GPR55: variants seen among roughly 807,000 people sequenced by gnomAD.
GPR55 encodes G-protein coupled receptor 55.
In GPR55, 6 loss-of-function variants were observed where a neutral mutation model predicts 7.9. The observed-to-expected ratio is 0.76, with a 90% CI of 0.41 to 1.49. GPR55 has a LOEUF of 1.49. Ranked by LOEUF, GPR55 falls within the 40% of genes most tolerant of loss-of-function variation. GPR55 has a pLI of 0.01. For missense variants in GPR55, 376 were observed against 406.0 expected (o/e 0.93, Z 0.63); for synonymous variants, 183 against 166.8 (o/e 1.10, Z -0.75).
At chr2:230,952,730 A>C (rs368270938) in intron 1 of GPR55, among the ~76,000 whole-genome samples, 1 of 152,084 alleles carries the variant, frequency 6.6e-6, no homozygotes, top group Non-Finnish European at 1.5e-5. Context: ...GCCCACGGCC[A>C]CCCTGTCCCC....
intron 1 of GPR55, among the ~76,000 whole-genome samples, chr2:230,954,515 T>G (rs1691451933): frequency 6.6e-6 from 1 of 152,224 alleles, no homozygotes; most frequent in South Asian, 2.1e-4. Flanking sequence ...TATATATTTA[T>G]GGGGTACATG....
rs186321947 is a variant in GPR55 at position 230,957,967 on chromosome 2, A to C, written c.-135+2808T>G. On this transcript the variant is annotated intron_variant, in intron 1 of 1. Transcript: ENST00000392039. ...CAGCAGCAATTGAACAATCTTGAGC[A>C]TAGAAATCAGACTCCCTGAAGTCAG... is the stretch of plus-strand genomic sequence containing the variant. 1.9e-4 allele frequency: 87 copies of C among 446,742 alleles called. No homozygotes were observed. In the East Asian group the frequency reaches 4.6e-3, roughly 24 times the overall value. The allele number at this position is 446,742 out of a possible 1,614,324, so 27.7% of individuals were successfully genotyped here.
chr2:230,941,411 G>A (rs1337155385), intron 1 of GPR55, among the ~76,000 whole-genome samples: 2 of 152,202 alleles, frequency 1.3e-5, no homozygotes, highest in Non-Finnish European at 2.9e-5. Flanking sequence ...ATCCTGGGGG[G>A]CCTGCCCCCG....
Position 230,909,943 on chromosome 2 carries a change from G to T in GPR55, c.*60C>A, listed in dbSNP as rs1338502875. Reference sequence around the variant, plus strand: ...CCACCACATCAAAACCCTGGAACGCGATATCCGTTACCAGAATTCAGGGCC... The same window carrying T: ...CCACCACATCAAAACCCTGGAACGCTATATCCGTTACCAGAATTCAGGGCC... On this transcript the variant is annotated 3_prime_UTR_variant, in exon 2 of 2. Transcript: ENST00000650999. The T allele has an allele frequency of 4.6e-6, 7 of 1,515,442 alleles. No homozygotes were observed. Among genetic ancestry groups the T allele is most frequent in the Non-Finnish European group, 6.3e-6 (7 of 1,113,278 alleles). 93.9% of individuals were successfully genotyped at this position (1,515,442 alleles called of 1,614,324 possible).
chr2:230,911,897 G>C (rs1420805382), intron 1 of GPR55, among the ~76,000 whole-genome samples: 1 of 152,262 alleles, frequency 6.6e-6, no homozygotes, highest in East Asian at 1.9e-4. Context: ...TGGTCAATTT[G>C]GGGTGAGGGG....
At chr2:230,958,099 A>C (rs1241432703) in intron 1 of GPR55, 1 of 264,658 alleles carries the variant, frequency 3.8e-6, no homozygotes, top group Non-Finnish European at 7.6e-6. Flanking sequence ...AAGGAAGAAA[A>C]TTTTTGAATT....
At chr2:230,957,308 A>T (rs1432794786) in intron 1 of GPR55, among the ~76,000 whole-genome samples, 1 of 152,238 alleles carries the variant, frequency 6.6e-6, no homozygotes, top group Non-Finnish European at 1.5e-5. Context: ...CTTTGGGGAC[A>T]TTATTTAGTA....
chr2:230,929,138 C>A (rs531886949), upstream of GPR55, among the ~76,000 whole-genome samples: 53 of 152,266 alleles, frequency 3.5e-4, no homozygotes, highest in African/African-American at 1.2e-3. Flanking sequence ...CTGGTGTGAA[C>A]CACTGCATCC....
chr2:230,947,884 G>C (rs1691344264), intron 1 of GPR55, among the ~76,000 whole-genome samples: 1 of 152,088 alleles, frequency 6.6e-6, no homozygotes, highest in Non-Finnish European at 1.5e-5. Context: ...CCTGCACCCA[G>C]CTACAGCGAG....
Position 230,910,509 on chromosome 2 carries a change from C to T in GPR55, c.454G>A (p.Gly152Arg), listed in dbSNP as rs778364743. 1.1e-5 allele frequency: 17 copies of T among 1,613,952 alleles called. No homozygotes were observed. Among genetic ancestry groups the T allele is most frequent in the South Asian group, 4.4e-5 (4 of 91,072 alleles). Residue 152 changes from glycine to arginine, a missense_variant, in exon 2 of 2, where the codon GGA (glycine) becomes AGA (arginine). Gly to Arg is a moderately radical substitution (Grantham distance 125, BLOSUM62 -2). Transcript: ENST00000650999. The surrounding 1 kb of genome is among the most constrained non-coding windows in gnomAD (Gnocchi z 5.4). ...CCTIWVLVWTGSIPIYSFHGK... is the reference protein window; with the variant it reads ...CCTIWVLVWTRSIPIYSFHGK... Reference sequence around the variant, plus strand: ...TGGAAACTGTAGATAGGGATGCTTCCGGTCCACACCAGGACCCAGATGGTG... The same window carrying T: ...TGGAAACTGTAGATAGGGATGCTTCTGGTCCACACCAGGACCCAGATGGTG...
upstream of GPR55, among the ~76,000 whole-genome samples, chr2:230,928,106 A>C (rs1018653813): frequency 6.6e-6 from 1 of 152,104 alleles, no homozygotes; most frequent in Non-Finnish European, 1.5e-5. Flanking sequence ...CCTCTGCACC[A>C]GGGTAAGGGG....
rs370767476 is a variant in GPR55 at position 230,910,690 on chromosome 2, C to T, written c.273G>A (p.Pro91=). The T allele has an allele frequency of 4.1e-5, 66 of 1,613,348 alleles. No homozygotes were observed. The highest frequency in any genetic ancestry group is 1.7e-4 in the Middle Eastern group (1 of 6,060). The change falls in exon 2 of 2, where the codon CCG becomes CCA. Residue 91 remains proline, a synonymous_variant. Coordinates refer to ENST00000650999, the MANE Select transcript of GPR55 (RefSeq NM_005683.4). This position sits in a 1 kb window ranked among gnomAD's most constrained non-coding sequence, Gnocchi z 5.4. ...MVLSQVQSPF[P]SLCTLVECLY... ...GGCACTCCACCAGGGTGCACAGGGACGGGAAGGGGGACTGTACCTGGGACA... is the reference window on the plus strand; with the variant it reads ...GGCACTCCACCAGGGTGCACAGGGATGGGAAGGGGGACTGTACCTGGGACA...
chr2:230,923,655 G>T lies in GPR55; in HGVS notation c.-135+1513C>A, dbSNP rs1468998864. ...AGGGGCCGGCTTGGGGACGTGAAAG[G>T]TGGCCAGCAGTGTGCTCAGTGATCT... On this transcript the variant is annotated intron_variant, in intron 1 of 1. Coordinates refer to ENST00000650999, the MANE Select transcript of GPR55 (RefSeq NM_005683.4). This position sits in a 1 kb window ranked among gnomAD's most constrained non-coding sequence, Gnocchi z 4.1. Among the ~76,000 whole-genome samples, 2 of 152,156 alleles carry T rather than the reference G, an allele frequency of 1.3e-5. No homozygotes were observed. The highest frequency in any genetic ancestry group is 2.9e-5 in the Non-Finnish European group (2 of 68,020).
intron 1 of GPR55, among the ~76,000 whole-genome samples, chr2:230,933,074 C>A (rs1344206159): frequency 6.6e-6 from 1 of 152,140 alleles, no homozygotes; most frequent in African/African-American, 2.4e-5. Flanking sequence ...TTTCCCTGCC[C>A]CTTCCTGCCT....
chr2:230,925,953 T>A (rs187161414), upstream of GPR55, among the ~76,000 whole-genome samples: 15 of 152,234 alleles, frequency 9.9e-5, no homozygotes, highest in African/African-American at 3.4e-4. Flanking sequence ...TGGGCCTGGG[T>A]GGCTCTTAGC....
At chr2:230,929,134 T>A (rs1316351958), upstream of GPR55, among the ~76,000 whole-genome samples, 5 of 152,170 alleles carry the variant, frequency 3.3e-5, no homozygotes, top group Non-Finnish European at 7.4e-5. Flanking sequence ...ATTACTGGTG[T>A]GAACCACTGC....
chr2:230,930,699 A>G (rs1055787812), intron 1 of GPR55, among the ~76,000 whole-genome samples: 11 of 152,020 alleles, frequency 7.2e-5, no homozygotes, highest in Non-Finnish European at 1.5e-4. Context: ...TCCTGAGCTC[A>G]AGCAATCCAC....
intron 1 of GPR55, among the ~76,000 whole-genome samples, chr2:230,959,249 C>T (rs572878828): frequency 6.6e-6 from 1 of 152,122 alleles, no homozygotes; most frequent in Non-Finnish European, 1.5e-5. Context: ...AGTTGGAGAC[C>T]AGCCTGGGCA....
intron 1 of GPR55, among the ~76,000 whole-genome samples, chr2:230,949,598 A>G (rs940388015): frequency 4.6e-5 from 7 of 151,660 alleles, no homozygotes; most frequent in Non-Finnish European, 8.8e-5. Flanking sequence ...TGGTCTTGGG[A>G]CACTTTCTGG....
Sources: gnomAD v4.1 joint callset for allele counts (sites outside exome capture counted in the v4.1 genomes callset) on GRCh38, gnomAD v4.1.1 for gene constraint, Gnocchi (gnomAD v3.1) non-coding constraint, MANE v1.5 for transcripts, NCBI Gene and HGNC (gene_info 2026-07-23, HGNC 2026-07-21) for gene names.